Variants in PCDHA12 observed in about 807,000 individuals in gnomAD.
PCDHA12 encodes the protein protocadherin alpha-12.
PCDHA12 carries 44 observed loss-of-function variants against 60.0 expected under a neutral mutation model. The ratio of observed to expected loss-of-function variants is 0.73; its 90% CI spans 0.58 to 0.94. PCDHA12 has a LOEUF of 0.94. Ranked by LOEUF, PCDHA12 falls within the 40% of genes least tolerant of loss-of-function variation. The pLI is 0.00. For missense variants in PCDHA12, 1,276 were observed against 1,239.7 expected, an observed-to-expected ratio of 1.03 and a Z score of -0.44; for synonymous variants, 569 against 553.0, an observed-to-expected ratio of 1.03 and a Z score of -0.40.
intron 2 of PCDHA12, chr5:140,982,271 G>A: frequency 1.1e-6 from 1 of 930,566 alleles, no homozygotes; most frequent in South Asian, 1.9e-5. Flanking sequence ...TCCTGGAATA[G>A]TATAGCAGGC....
intron 1 of PCDHA12, among the ~76,000 whole-genome samples, chr5:140,975,280 T>C (rs914764307): frequency 6.6e-6 from 1 of 152,252 alleles, no homozygotes; most frequent in Non-Finnish European, 1.5e-5. Flanking sequence ...CTCTGACCTC[T>C]AGACCCAGAT....
At chr5:140,906,030 T>G (rs1554192342) in intron 1 of PCDHA12, among the ~76,000 whole-genome samples, 1 of 152,196 alleles carries the variant, frequency 6.6e-6, no homozygotes, top group Non-Finnish European at 1.5e-5. Flanking sequence ...CACGTTCTTC[T>G]GTCTGCTTTT....
At position 140,906,523 on chromosome 5, in the gene PCDHA12, C is replaced by T. The variant is rs145617697; in HGVS notation, c.2367+28684C>T. Among the ~76,000 whole-genome samples, 1,221 of 152,284 alleles carry T rather than the reference C, an allele frequency of 8.0e-3. 6 individuals are homozygous for T. The highest frequency in any genetic ancestry group is 0.019 in the African/African-American group (786 of 41,540). On this transcript the variant is annotated intron_variant, in intron 1 of 3. Transcript: ENST00000398631. ...TTAACAAAGAAGGAGGAAATACTCA[C>T]GACAATTAAAATCCTCATTTCTGCA...
chr5:140,892,012 G>A (rs1032416226), intron 1 of PCDHA12, among the ~76,000 whole-genome samples: 9 of 152,176 alleles, frequency 5.9e-5, no homozygotes, highest in Admixed American at 5.9e-4. Context: ...TGTTATAGCA[G>A]CACAAATGGT....
At chr5:140,891,007 G>A (rs1228475433) in intron 1 of PCDHA12, among the ~76,000 whole-genome samples, 7 of 152,030 alleles carry the variant, frequency 4.6e-5, no homozygotes, top group African/African-American at 7.3e-5. Context: ...TTATTGAAAA[G>A]CATTTTTTCT....
chr5:140,887,707 C>A (rs1554183190), intron 1 of PCDHA12, among the ~76,000 whole-genome samples: 1 of 152,132 alleles, frequency 6.6e-6, no homozygotes, highest in African/African-American at 2.4e-5. Context: ...AACCATACTT[C>A]TTCTAATAGT....
At chr5:140,995,106 G>C (rs1318120210) in intron 3 of PCDHA12, among the ~76,000 whole-genome samples, 6 of 152,180 alleles carry the variant, frequency 3.9e-5, no homozygotes, top group East Asian at 1.9e-4. Context: ...TACATTCCAA[G>C]ACCCTCAGTG....
At chr5:140,911,168 T>C (rs1315264734) in intron 1 of PCDHA12, among the ~76,000 whole-genome samples, 1 of 152,190 alleles carries the variant, frequency 6.6e-6, no homozygotes, top group Non-Finnish European at 1.5e-5. Context: ...GTGGAAAGGC[T>C]GATGGCAGTG....
intron 1 of PCDHA12, chr5:140,969,265 A>T: frequency 1.9e-6 from 3 of 1,614,250 alleles, no homozygotes; most frequent in Non-Finnish European, 2.5e-6. Flanking sequence ...GGAATCTCAC[A>T]GGCCAAAGTG....
Position 140,914,628 on chromosome 5 carries a change from G to A in PCDHA12, c.2367+36789G>A, listed in dbSNP as rs540654869. 1.3e-4 allele frequency among the ~76,000 whole-genome samples: 19 copies of A among 151,834 alleles called. No homozygotes were observed. The South Asian group carries it at 1.7e-3, about 13-fold the overall frequency. ...CTGCCATTTTGTAATTTGTTTTCTC[G>A]TGGTTTCATGGTCATCTCTCCCTTC... is the stretch of plus-strand genomic sequence containing the variant. On this transcript the variant is annotated intron_variant, in intron 1 of 3. Transcript: ENST00000398631.
intron 3 of PCDHA12, among the ~76,000 whole-genome samples, chr5:140,996,604 A>G (rs1554255259): frequency 1.3e-5 from 2 of 152,090 alleles, no homozygotes; most frequent in African/African-American, 4.8e-5. Flanking sequence ...CCCCATTTTC[A>G]TTTGGCAAAT....
chr5:140,992,393 A>C (rs2097508684), intron 3 of PCDHA12, among the ~76,000 whole-genome samples: 1 of 152,180 alleles, frequency 6.6e-6, no homozygotes, highest in South Asian at 2.1e-4. Context: ...TTCTGGACTT[A>C]GAGATATTGT....
chr5:140,882,932 C>G (rs946510478), intron 1 of PCDHA12: 1 of 1,614,196 alleles, frequency 6.2e-7, no homozygotes, highest in Admixed American at 1.7e-5. Flanking sequence ...TAAACCCGAG[C>G]TGACTGGCAC....
chr5:140,881,257 C>A, intron 1 of PCDHA12: 1 of 512,564 alleles, frequency 2.0e-6, no homozygotes, highest in Non-Finnish European at 2.5e-6. Context: ...CAAGGTTTTA[C>A]TCAGTGATGA....
chr5:140,985,018 A>G (rs1384418667), intron 3 of PCDHA12, among the ~76,000 whole-genome samples: 2 of 152,026 alleles, frequency 1.3e-5, no homozygotes, highest in Non-Finnish European at 2.9e-5. Flanking sequence ...GCTCACAGCA[A>G]CCTCTGCCTC....
intron 1 of PCDHA12, among the ~76,000 whole-genome samples, chr5:140,947,396 A>G (rs113635864): frequency 6.6e-6 from 1 of 151,710 alleles, no homozygotes; most frequent in Non-Finnish European, 1.5e-5. Flanking sequence ...CACTAAAAGT[A>G]GACTGTCTTG....
At chr5:140,895,880 C>T (rs564030159) in intron 1 of PCDHA12, among the ~76,000 whole-genome samples, 4 of 152,240 alleles carry the variant, frequency 2.6e-5, no homozygotes, top group East Asian at 3.9e-4. Flanking sequence ...GGCGCGATCT[C>T]GGCTCACTGC....
intron 1 of PCDHA12, among the ~76,000 whole-genome samples, chr5:140,956,777 G>A (rs1470027067): frequency 6.6e-6 from 1 of 152,022 alleles, no homozygotes; most frequent in Admixed American, 6.6e-5. Context: ...GTCTGGTCCT[G>A]GGCTTTGTTT....
intron 1 of PCDHA12, among the ~76,000 whole-genome samples, chr5:140,895,298 C>A (rs1208960325): frequency 6.6e-6 from 1 of 151,928 alleles, no homozygotes; most frequent in Non-Finnish European, 1.5e-5. Context: ...CCTTCGATTT[C>A]CCCCCTTCCA....
Sources: gnomAD v4.1 joint callset for allele counts (sites outside exome capture counted in the v4.1 genomes callset) on GRCh38, gnomAD v4.1.1 for gene constraint, MANE v1.5 for transcripts, NCBI Gene and HGNC (gene_info 2026-07-23, HGNC 2026-07-21) for gene names.